Variants in DCHS2 observed in about 807,000 individuals in gnomAD.
DCHS2 encodes dachsous cadherin-related 2, also known as protocadherin-23.
In DCHS2, 142 loss-of-function variants were observed where a neutral mutation model predicts 182.4. The observed-to-expected ratio is 0.78, with a 90% confidence interval of 0.68 to 0.89. DCHS2 has a LOEUF of 0.89. DCHS2 is among the 40% of genes least tolerant of loss of function. DCHS2 has a pLI of 0.00. For missense variants in DCHS2, 4,319 were observed against 4,198.6 expected (o/e 1.03, Z -0.79); for synonymous variants, 1,740 against 1,663.3 (o/e 1.05, Z -1.12).
chr4:154,488,914 G>C (rs373059152), intron 1 of DCHS2, among the ~76,000 whole-genome samples: 8 of 82,902 alleles, frequency 9.6e-5, no homozygotes, highest in South Asian at 3.9e-4. Context: ...GTGTGTGTGT[G>C]TGTGTGTGTG....
chr4:154,470,008 A>G (rs528450555), intron 1 of DCHS2, among the ~76,000 whole-genome samples: 1 of 152,364 alleles, frequency 6.6e-6, no homozygotes, highest in South Asian at 2.1e-4. Context: ...GTTGTTGACT[A>G]CCATCTTGTA....
chr4:154,391,409 C>T lies in DCHS2; in HGVS notation c.2053-13965G>A, dbSNP rs1041472947. ...AAATACCTCCATGACTTTCCACTTG[C>T]AGCATAAAGAAAGCGTTCAAAACTA... On this transcript the variant is annotated intron_variant, in intron 1 of 19. Coordinates refer to ENST00000357232, the MANE Select transcript of DCHS2 (RefSeq NM_001358235.2). The T allele has an allele frequency of 3.6e-6, 5 of 1,400,454 alleles. No homozygotes were observed. In the African/African-American group the frequency reaches 5.8e-5, roughly 16 times the overall value. The allele number at this position is 1,400,454 out of a possible 1,614,324, so 86.8% of individuals were successfully genotyped here. A position where few individuals can be genotyped will look rare whatever the true frequency, so the allele number is the denominator to read the frequency against.
At chr4:154,289,957 A>T (rs537854505) in intron 13 of DCHS2, among the ~76,000 whole-genome samples, 3 of 151,252 alleles carry the variant, frequency 2.0e-5, no homozygotes, top group Non-Finnish European at 4.4e-5. Context: ...ATCAGACAAG[A>T]GAAAGAAATA....
chr4:154,434,818 C>T (rs1733705206), intron 1 of DCHS2, among the ~76,000 whole-genome samples: 2 of 152,192 alleles, frequency 1.3e-5, no homozygotes, highest in South Asian at 4.1e-4. Flanking sequence ...CCAGTCAAAT[C>T]CTGAGAAAAA....
rs562389706 is a variant in DCHS2, at chr4:154,454,195, C to T, written c.2052+35109G>A. ...ATCGATGTACTCAGCATAACATGCT[C>T]AGGCCTTTCAAAAGAAATTGTTTTA... On this transcript the variant is annotated intron_variant, in intron 1 of 19. Coordinates refer to ENST00000357232, the MANE Select transcript of DCHS2 (RefSeq NM_001358235.2). Among the ~76,000 whole-genome samples the T allele has an allele frequency of 5.3e-5, 8 of 152,182 alleles. No individual in the cohort carries two copies. The East Asian group carries it at 1.5e-3, about 29-fold the overall frequency.
intron 1 of DCHS2, among the ~76,000 whole-genome samples, chr4:154,441,430 G>A (rs1487025086): frequency 6.6e-6 from 1 of 152,052 alleles, no homozygotes. Context: ...TACATGTAAA[G>A]TCTATTTTTT....
At chr4:154,413,176 C>T (rs1732699684) in intron 1 of DCHS2, among the ~76,000 whole-genome samples, 2 of 152,176 alleles carry the variant, frequency 1.3e-5, no homozygotes, top group Admixed American at 6.5e-5. Flanking sequence ...TGGCCCATGA[C>T]ATTTTGTATT....
Position 154,316,001 on chromosome 4 carries a change from G to A in DCHS2, c.5021-14C>T. The stretch of plus-strand genomic sequence containing the variant: ...TGGTTAGTAAGCCTGTTTTGAAAAT[G>A]GAAGAAAAGCAACATGTAATGAATA... On this transcript the variant is annotated splice_polypyrimidine_tract_variant and intron_variant, in intron 9 of 19. Transcript: ENST00000357232. The A allele has an allele frequency of 6.2e-7, 1 of 1,612,078 alleles. No individual in the cohort carries two copies. Among genetic ancestry groups the A allele is most frequent in the Non-Finnish European group, 8.5e-7 (1 of 1,178,496 alleles).
chr4:154,275,044 A>ATT (rs10671130), intron 13 of DCHS2, among the ~76,000 whole-genome samples: 49,065 of 149,764 alleles, frequency 0.33, 8,159 homozygotes, highest in East Asian at 0.44. Flanking sequence ...CCAAATTGTT[A>ATT]TTTTTTTTTT....
intron 13 of DCHS2, among the ~76,000 whole-genome samples, chr4:154,289,969 A>G (rs920636881): frequency 6.8e-6 from 1 of 147,264 alleles, no homozygotes; most frequent in Non-Finnish European, 1.5e-5. Flanking sequence ...AAAGAAATAA[A>G]GGACATCCAA....
chr4:154,322,045 C>A (rs1294635087), intron 8 of DCHS2, among the ~76,000 whole-genome samples: 3 of 152,088 alleles, frequency 2.0e-5, no homozygotes, highest in African/African-American at 2.4e-5. Flanking sequence ...AGAAAAGATA[C>A]CTTTTGTCCA....
At chr4:154,295,987 A>G (rs922462758) in intron 13 of DCHS2, among the ~76,000 whole-genome samples, 1 of 152,210 alleles carries the variant, frequency 6.6e-6, no homozygotes, top group Non-Finnish European at 1.5e-5. Flanking sequence ...GTCCTCCCAT[A>G]TGTCATCAGT....
intron 13 of DCHS2, among the ~76,000 whole-genome samples, chr4:154,271,451 C>G (rs1733587322): frequency 6.6e-6 from 1 of 152,104 alleles, no homozygotes. Context: ...TGAGCAGATC[C>G]TCGCTTTATG....
At chr4:154,392,834 G>T (rs546282957) in intron 1 of DCHS2, among the ~76,000 whole-genome samples, 20 of 152,306 alleles carry the variant, frequency 1.3e-4, no homozygotes, top group African/African-American at 4.6e-4. Context: ...AGGGCTTAGT[G>T]TCAGGGAAAG....
intron 1 of DCHS2, among the ~76,000 whole-genome samples, chr4:154,448,966 T>C (rs530577487): frequency 6.6e-6 from 1 of 152,318 alleles, no homozygotes; most frequent in Middle Eastern, 3.4e-3. Context: ...GGTTAATGCG[T>C]GCCTCCTCAC....
At chr4:154,476,964 G>A (rs1027860780) in intron 1 of DCHS2, among the ~76,000 whole-genome samples, 1 of 65,314 alleles carries the variant, frequency 1.5e-5, no homozygotes, top group Non-Finnish European at 4.3e-5. Context: ...ACAAGTAAAA[G>A]TTAGCTGGGG....
Position 154,304,880 on chromosome 4 carries a change from T to A in DCHS2, c.5396-2A>T. 1 of 1,604,696 alleles carries A rather than the reference T, an allele frequency of 6.2e-7. No individual in the cohort carries two copies. The highest frequency in any genetic ancestry group is 8.5e-7 in the Non-Finnish European group (1 of 1,175,570). On this transcript the variant is annotated splice_acceptor_variant, in intron 11 of 19. Coordinates refer to ENST00000357232, the MANE Select transcript of DCHS2 (RefSeq NM_001358235.2). LOFTEE classifies it high-confidence loss of function. ...GGAATCCCCCATCTCGTACTAGTAC[T>A]GACACAGAACACAAAGACGGTATGA... is the stretch of plus-strand genomic sequence containing the variant.
chr4:154,454,353 C>T lies in DCHS2; in HGVS notation c.2052+34951G>A, dbSNP rs138638409. On this transcript the variant is annotated intron_variant, in intron 1 of 19. Transcript: ENST00000357232. ...CATACTCCTGAGCTCAAATGATCCC[C>T]CTGCCTCAGCCTCCCAAGTAGCTGA... Among the ~76,000 whole-genome samples the T allele has an allele frequency of 1.1e-3, 171 of 152,268 alleles. 1 individual carries two copies. The highest frequency in any genetic ancestry group is 3.9e-3 in the African/African-American group (160 of 41,558).
At chr4:154,265,503 G>A (rs1461380724) in intron 14 of DCHS2, among the ~76,000 whole-genome samples, 2 of 152,192 alleles carry the variant, frequency 1.3e-5, no homozygotes, top group African/African-American at 2.4e-5. Context: ...GATCAGTTGG[G>A]TGCAGTGGCT....
Sources: allele counts gnomAD v4.1 joint callset (sites outside exome capture counted in the v4.1 genomes callset), GRCh38; gene constraint gnomAD v4.1.1; transcripts MANE v1.5; gene names NCBI Gene and HGNC (gene_info 2026-07-23, HGNC 2026-07-21).